Variants in CLTCL1 observed in about 807,000 individuals in gnomAD.
CLTCL1 encodes the protein clathrin heavy chain like 1.
In CLTCL1, 159 loss-of-function variants were observed where a neutral mutation model predicts 190.0. The observed-to-expected ratio is 0.84, with a 90% CI of 0.74 to 0.95. CLTCL1 has a LOEUF of 0.95. Among genes scored for constraint, CLTCL1 ranks in the 40% least tolerant of loss-of-function variants. The pLI is 0.00. For missense variants in CLTCL1, 1,878 were observed against 2,033.4 expected, an observed-to-expected ratio of 0.92 and a Z score of 1.47; for synonymous variants, 752 against 769.6, an observed-to-expected ratio of 0.98 and a Z score of 0.38.
chr22:19,232,879 T>C, intron 9 of CLTCL1: 1 of 561,798 alleles, frequency 1.8e-6, no homozygotes, highest in Non-Finnish European at 3.1e-6. Flanking sequence ...GGATAAGATC[T>C]GGGAGTCTGC....
chr22:19,234,405 T>C (rs552646822), intron 7 of CLTCL1, 104 bp downstream of exon 7: 1 of 1,051,798 alleles, frequency 9.5e-7, no homozygotes, highest in Admixed American at 2.8e-5. Context: ...AACATAACAC[T>C]AATAGACTGC....
At chr22:19,281,124 A>G (rs1023691082) in intron 1 of CLTCL1, among the ~76,000 whole-genome samples, 15 of 143,336 alleles carry the variant, frequency 1.0e-4, no homozygotes, top group Admixed American at 2.1e-4. Context: ...CCCTGTCTCT[A>G]CTAAAAAAAA....
intron 2 of CLTCL1, chr22:19,257,641 G>A (rs1232789749): frequency 6.1e-5 from 27 of 443,678 alleles, no homozygotes; most frequent in East Asian, 5.2e-4. Flanking sequence ...GCAGATGTAA[G>A]GGATTTGGGC....
chr22:19,184,786 CCAGT>C (rs1480346602), intron 29 of CLTCL1: 6 of 343,118 alleles, frequency 1.7e-5, no homozygotes, highest in Non-Finnish European at 2.3e-5. Context: ...CAGGAAGCTC[CCAGT>C]CAGTGTCCCG....
chr22:19,196,452 TG>T, intron 25 of CLTCL1, 36 bp downstream of exon 25: 2 of 1,613,708 alleles, frequency 1.2e-6, no homozygotes, highest in Non-Finnish European at 1.7e-6. Flanking sequence ...GTGCTGCACG[TG>T]GCCACGGCTG....
intron 16 of CLTCL1, 45 bp from the exon 17 acceptor site, chr22:19,221,656 G>A: frequency 6.7e-7 from 1 of 1,485,186 alleles, no homozygotes; most frequent in African/African-American, 1.4e-5. Flanking sequence ...GCTACCACTG[G>A]AAGTCTTGAG....
At chr22:19,191,548 C>T in intron 26 of CLTCL1, 113 bp from the exon 27 acceptor site, 1 of 1,275,382 alleles carries the variant, frequency 7.8e-7, no homozygotes, top group Non-Finnish European at 1.1e-6. Context: ...CATGACTACC[C>T]CCTATAAGAC....
chr22:19,228,870 C>T (rs1470209381), intron 11 of CLTCL1, among the ~76,000 whole-genome samples: 3 of 152,182 alleles, frequency 2.0e-5, no homozygotes, highest in Non-Finnish European at 1.5e-5. Flanking sequence ...TGCCTCACCA[C>T]AGTGAGATAC....
At position 19,222,724 on chromosome 22, in the gene CLTCL1, C is replaced by A. The variant is rs367971028; in HGVS notation, c.2378G>T (p.Arg793Leu). 5 of 1,594,848 alleles carry A rather than the reference C, an allele frequency of 3.1e-6. No homozygotes were observed. The highest frequency in any genetic ancestry group is 3.5e-5 in the Admixed American group (2 of 56,826). ...CTCAATGTACCTCTGCAGGTTGTTG[C>A]GGTATAAATATAGGACAAGGTCATG... ...FVHDLVLYLY[R>L]NNLQRYIEIY... Residue 793 changes from arginine to leucine, a missense_variant, in exon 15 of 33, where the codon CGC (arginine) becomes CTC (leucine). Transcript: ENST00000427926.
intron 26 of CLTCL1, among the ~76,000 whole-genome samples, chr22:19,194,728 G>T (rs1555934533): frequency 6.6e-6 from 1 of 152,224 alleles, no homozygotes; most frequent in African/African-American, 2.4e-5. Flanking sequence ...TGGCTGAGCT[G>T]GGGTGCCCCC....
chr22:19,289,584 G>A (rs908532965), intron 1 of CLTCL1, among the ~76,000 whole-genome samples: 2 of 152,130 alleles, frequency 1.3e-5, no homozygotes, highest in Non-Finnish European at 2.9e-5. Context: ...GGACAAGAGC[G>A]GGGGAAGAAG....
chr22:19,271,155 T>C (rs1234353959), intron 2 of CLTCL1, among the ~76,000 whole-genome samples: 1 of 152,054 alleles, frequency 6.6e-6, no homozygotes, highest in African/African-American at 2.4e-5. Flanking sequence ...CTCCATCTAC[T>C]TCTAAAAATT....
chr22:19,192,048 G>A (rs1423644213), intron 26 of CLTCL1, among the ~76,000 whole-genome samples: 2 of 150,602 alleles, frequency 1.3e-5, no homozygotes, highest in African/African-American at 4.9e-5. Context: ...CCATTCTCTT[G>A]CTGGGCGATG....
intron 22 of CLTCL1, among the ~76,000 whole-genome samples, chr22:19,206,984 CTGATTTTTGG>C (rs1429206685): frequency 7.1e-6 from 1 of 141,206 alleles, no homozygotes; most frequent in African/African-American, 2.6e-5. Context: ...ATTATGTTAT[CTGATTTTTGG>C]TGACATAAAC....
chr22:19,283,601 G>A (rs1646892365), intron 1 of CLTCL1, among the ~76,000 whole-genome samples: 1 of 151,964 alleles, frequency 6.6e-6, no homozygotes, highest in Admixed American at 6.6e-5. Context: ...ATTTTAAATG[G>A]CATATATAAG....
At chr22:19,236,852 T>C (rs1445728848) in intron 5 of CLTCL1, among the ~76,000 whole-genome samples, 1 of 152,142 alleles carries the variant, frequency 6.6e-6, no homozygotes, top group African/African-American at 2.4e-5. Flanking sequence ...TAACATATAT[T>C]ATTAATATAG....
chr22:19,180,478 C>G lies in CLTCL1; in HGVS notation c.4904-240G>C, dbSNP rs114713657. Among the ~76,000 whole-genome samples the G allele has an allele frequency of 5.4e-3, 815 of 152,280 alleles. 10 individuals carry two copies. The highest frequency in any genetic ancestry group is 0.018 in the African/African-American group (741 of 41,552). On this transcript the variant is annotated intron_variant, in intron 31 of 32. Transcript: ENST00000427926. Reference sequence around the variant, plus strand: ...CTTGCTGTCCAGGGGCCAGGCCCAGCAGGACACAGCAGTAGTTCACAGCTA... The same window carrying G: ...CTTGCTGTCCAGGGGCCAGGCCCAGGAGGACACAGCAGTAGTTCACAGCTA...
chr22:19,242,184 C>G (rs2086277368), intron 4 of CLTCL1, among the ~76,000 whole-genome samples: 1 of 150,952 alleles, frequency 6.6e-6, no homozygotes, highest in East Asian at 2.0e-4. Flanking sequence ...CTCAGGCAAT[C>G]CACCCACCTC....
chr22:19,255,801 T>C (rs1555972124), intron 2 of CLTCL1, among the ~76,000 whole-genome samples: 2 of 150,894 alleles, frequency 1.3e-5, no homozygotes, highest in African/African-American at 4.9e-5. Context: ...TCCCAGCTAC[T>C]CGGGAGGCTG....
Sources: gnomAD v4.1 joint callset for allele counts (sites outside exome capture counted in the v4.1 genomes callset) on GRCh38, gnomAD v4.1.1 for gene constraint, MANE v1.5 for transcripts, NCBI Gene and HGNC (gene_info 2026-07-23, HGNC 2026-07-21) for gene names.